HPSE2: variants seen among roughly 807,000 people sequenced by gnomAD.
The protein encoded by HPSE2 is heparanase 2 (inactive).
Under a neutral mutation model 60.5 loss-of-function variants are expected in HPSE2, and 38 were observed. That is an observed-to-expected ratio of 0.63 (90% CI 0.48 to 0.82). The LOEUF (loss-of-function observed/expected upper bound fraction) is 0.82, where lower values mean the gene tolerates loss of function less well. Ranked by LOEUF, HPSE2 falls within the 40% of genes least tolerant of loss-of-function variation. HPSE2 has a pLI of 0.00. For missense variants in HPSE2, 713 were observed against 740.4 expected, an observed-to-expected ratio of 0.96 and a Z score of 0.43; for synonymous variants, 295 against 293.2, an observed-to-expected ratio of 1.01 and a Z score of -0.06.
chr10:99,232,042 G>T (rs1849660523), intron 2 of HPSE2, among the ~76,000 whole-genome samples: 1 of 152,146 alleles, frequency 6.6e-6, no homozygotes, highest in Admixed American at 6.5e-5. Flanking sequence ...CTCCAAGACA[G>T]CCGCCCAGCA....
At position 98,620,531 on chromosome 10, in the gene HPSE2, C is replaced by T. The variant is rs969692755; in HGVS notation, c.1205+71G>A. ...TCACCCCTAGGATGGGCAGAATAATCAGCAACACCAGAGATTCACTGTCCT... is the reference window on the plus strand; with the variant it reads ...TCACCCCTAGGATGGGCAGAATAATTAGCAACACCAGAGATTCACTGTCCT... On this transcript the variant is annotated intron_variant, in intron 8 of 11. Transcript: ENST00000370552. The T allele has an allele frequency of 3.6e-6, 4 of 1,104,196 alleles. No homozygotes were observed. The African/African-American group carries it at 6.2e-5, about 17-fold the overall frequency. The allele number at this position is 1,104,196 out of a possible 1,614,324, so 68.4% of individuals were successfully genotyped here.
chr10:98,796,287 A>T (rs1472741871), intron 3 of HPSE2, among the ~76,000 whole-genome samples: 1 of 152,006 alleles, frequency 6.6e-6, no homozygotes, highest in Non-Finnish European at 1.5e-5. Flanking sequence ...GTCAGAGAGG[A>T]GCTCACTTCC....
At chr10:98,752,499 C>T (rs1451144306) in intron 3 of HPSE2, among the ~76,000 whole-genome samples, 4 of 152,144 alleles carry the variant, frequency 2.6e-5, no homozygotes, top group Non-Finnish European at 4.4e-5. Context: ...AAATACTCTT[C>T]ATTGCTTTTC....
At chr10:99,287,213 G>A in the HPSE2 span, among the ~76,000 whole-genome samples, 1 of 152,048 alleles carries the variant, frequency 6.6e-6, no homozygotes, top group Non-Finnish European at 1.5e-5. Flanking sequence ...AGACATCCAA[G>A]AGATTTACTT....
At chr10:98,590,669 C>T (rs1945065807) in intron 9 of HPSE2, among the ~76,000 whole-genome samples, 2 of 152,260 alleles carry the variant, frequency 1.3e-5, no homozygotes, top group Middle Eastern at 3.4e-3. Flanking sequence ...GGATTAGATA[C>T]ACCCAGGATT....
At chr10:98,662,008 C>A (rs1346070237) in intron 6 of HPSE2, among the ~76,000 whole-genome samples, 20 of 152,216 alleles carry the variant, frequency 1.3e-4, no homozygotes, top group Admixed American at 1.2e-3. Context: ...GATTCCCCTG[C>A]CTCAGCCTCC....
intron 5 of HPSE2, among the ~76,000 whole-genome samples, chr10:98,703,345 C>T (rs1403289889): frequency 6.6e-6 from 1 of 152,048 alleles, no homozygotes; most frequent in Non-Finnish European, 1.5e-5. Flanking sequence ...CTGAATTCTA[C>T]CAGAGGTACA....
intron 3 of HPSE2, among the ~76,000 whole-genome samples, chr10:98,891,356 T>C (rs371362289): frequency 2.6e-5 from 4 of 152,266 alleles, no homozygotes; most frequent in African/African-American, 9.6e-5. Flanking sequence ...TGAAAGCCCA[T>C]AGATGTGGAA....
chr10:98,841,870 G>A (rs548396247), intron 3 of HPSE2, among the ~76,000 whole-genome samples: 22 of 150,816 alleles, frequency 1.5e-4, no homozygotes, highest in African/African-American at 4.1e-4. Context: ...GCAGTGGCAC[G>A]ATCTCAACTC....
At chr10:98,565,549 A>G (rs944965950) in intron 9 of HPSE2, among the ~76,000 whole-genome samples, 1 of 152,052 alleles carries the variant, frequency 6.6e-6, no homozygotes, top group Non-Finnish European at 1.5e-5. Flanking sequence ...GTGCATATGT[A>G]CCACATTTTC....
At chr10:98,709,937 T>A (rs1948636241) in intron 5 of HPSE2, among the ~76,000 whole-genome samples, 1 of 152,150 alleles carries the variant, frequency 6.6e-6, no homozygotes, top group African/African-American at 2.4e-5. Flanking sequence ...ACTGGATATC[T>A]AACTGAGTAC....
At chr10:98,592,860 A>G (rs1769668738) in intron 9 of HPSE2, among the ~76,000 whole-genome samples, 2 of 152,174 alleles carry the variant, frequency 1.3e-5, no homozygotes, top group Non-Finnish European at 2.9e-5. Context: ...AATATCTGAG[A>G]TGCCATTCTG....
chr10:98,793,732 A>C (rs1565166844), intron 3 of HPSE2, among the ~76,000 whole-genome samples: 2 of 152,248 alleles, frequency 1.3e-5, no homozygotes, highest in African/African-American at 4.8e-5. Flanking sequence ...TGAGGTGTTA[A>C]AGTGTCACTT....
intron 11 of HPSE2, among the ~76,000 whole-genome samples, chr10:98,473,527 A>T (rs1269989684): frequency 2.4e-5 from 3 of 126,694 alleles, no homozygotes; most frequent in Non-Finnish European, 4.9e-5. Context: ...AGAGAAAGAG[A>T]GAGAGAGAAA....
intron 3 of HPSE2, among the ~76,000 whole-genome samples, chr10:98,926,054 T>C (rs1954451173): frequency 6.6e-6 from 1 of 152,130 alleles, no homozygotes; most frequent in Non-Finnish European, 1.5e-5. Context: ...TTACTCTGTC[T>C]TTTTGGCAGT....
chr10:98,889,946 T>C (rs773592128), intron 3 of HPSE2, among the ~76,000 whole-genome samples: 13 of 152,152 alleles, frequency 8.5e-5, no homozygotes, highest in Non-Finnish European at 1.5e-4. Context: ...GTATAACTCT[T>C]TACAAGGAAA....
intron 9 of HPSE2, among the ~76,000 whole-genome samples, chr10:98,517,194 T>G (rs61872960): frequency 0.38 from 43,198 of 114,626 alleles, 6,582 homozygotes; most frequent in East Asian, 0.49. Context: ...CTGTTGGGTG[T>G]GGGGTGGGGG....
At chr10:98,528,709 C>T (rs1001497499) in intron 9 of HPSE2, among the ~76,000 whole-genome samples, 1 of 152,206 alleles carries the variant, frequency 6.6e-6, no homozygotes, top group Non-Finnish European at 1.5e-5. Flanking sequence ...TATTATGTGT[C>T]AGCCGGAAGG....
Position 98,744,019 on chromosome 10 carries a change from G to A in HPSE2, c.648C>T (p.Cys216=). The A allele has an allele frequency of 6.2e-7, 1 of 1,614,124 alleles. No homozygotes were observed. Among genetic ancestry groups the A allele is most frequent in the South Asian group, 1.1e-5 (1 of 91,086 alleles). The change falls in exon 4 of 12, where the codon TGC becomes TGT. Residue 216 remains cysteine (C), a synonymous_variant. Coordinates refer to ENST00000370552, the MANE Select transcript of HPSE2 (RefSeq NM_021828.5). Reference sequence around the variant, plus strand: ...GAGCAAATATCAGGTGGAGTCCAGAGCAATCAGCAAAGTTATAAAGTTTGT... The same window carrying A: ...GAGCAAATATCAGGTGGAGTCCAGAACAATCAGCAAAGTTATAAAGTTTGT... The part of the protein sequence containing the change: ...SLDKLYNFAD[C]SGLHLIFALN...
Sources: gnomAD v4.1 joint callset for allele counts (sites outside exome capture counted in the v4.1 genomes callset) on GRCh38, gnomAD v4.1.1 for gene constraint, MANE v1.5 for transcripts, NCBI Gene and HGNC (gene_info 2026-07-23, HGNC 2026-07-21) for gene names.